ESR2: variants seen among roughly 807,000 people sequenced by gnomAD.
The protein encoded by ESR2 is estrogen receptor beta.
ESR2 carries 36 observed loss-of-function variants against 49.6 expected under a neutral mutation model. That is an observed-to-expected ratio of 0.73 (90% CI 0.56 to 0.96). The LOEUF (loss-of-function observed/expected upper bound fraction) is 0.96, where lower values mean the gene tolerates loss of function less well. ESR2 is among the 40% of genes least tolerant of loss of function. ESR2 has a pLI of 0.00. For missense variants in ESR2, 714 were observed against 693.0 expected, an observed-to-expected ratio of 1.03 and a Z score of -0.34; for synonymous variants, 320 against 266.1, an observed-to-expected ratio of 1.20 and a Z score of -1.97.
At chr14:64,247,327 G>C (rs929213188) in intron 7 of ESR2, among the ~76,000 whole-genome samples, 4 of 110,222 alleles carry the variant, frequency 3.6e-5, no homozygotes, top group African/African-American at 2.1e-4. Flanking sequence ...GTGAGGCTCT[G>C]TCTCAAAACA....
upstream of ESR2, among the ~76,000 whole-genome samples, chr14:64,296,438 C>T (rs1016490814): frequency 8.5e-5 from 13 of 152,182 alleles, no homozygotes; most frequent in African/African-American, 1.9e-4. Flanking sequence ...TTATTTTATA[C>T]GCAAGCCTAT....
rs765370070 is a variant in ESR2 at position 64,268,800 on chromosome 14, T to G, written c.647A>C (p.Lys216Thr). 1 of 1,605,678 alleles carries G rather than the reference T, an allele frequency of 6.2e-7. No homozygotes were observed. ...LRKCYEVGMV[K>T]CGSRRERCGY... ...GAAGGGAAGCAAGCACTCACCACAC[T>G]TCACCATTCCCACTTCGTAACACTT... The change falls in exon 4 of 9, where the codon AAG becomes ACG. Residue 216 changes from lysine (K) to threonine (T), a missense_variant. Lys to Thr is a moderately conservative substitution (Grantham distance 78, BLOSUM62 -1). Coordinates refer to ENST00000341099, the MANE Select transcript of ESR2 (RefSeq NM_001437.3).
chr14:64,287,151 G>T (rs1460333754), intron 1 of ESR2, among the ~76,000 whole-genome samples: 1 of 151,672 alleles, frequency 6.6e-6, no homozygotes, highest in African/African-American at 2.4e-5. Context: ...CCAATCTCTA[G>T]AACTCATTTC....
downstream of ESR2, chr14:64,227,519 A>G (rs934379004): frequency 1.2e-6 from 2 of 1,613,792 alleles, no homozygotes; most frequent in Non-Finnish European, 1.7e-6. Context: ...TAGGCCACCG[A>G]GTTGATTAGA....
chr14:64,337,147 T>G (rs1366626147), intron 1 of ESR2, among the ~76,000 whole-genome samples: 1 of 152,236 alleles, frequency 6.6e-6, no homozygotes, highest in African/African-American at 2.4e-5. Flanking sequence ...TGGCTTGTAC[T>G]GTTCACACTC....
chr14:64,270,423 C>T (rs376221450), intron 3 of ESR2, among the ~76,000 whole-genome samples: 4 of 152,120 alleles, frequency 2.6e-5, no homozygotes, highest in South Asian at 2.1e-4. Flanking sequence ...ATTGTTTGAG[C>T]GCTGGTTACA....
chr14:64,235,640 C>A (rs2075580529), intron 7 of ESR2, among the ~76,000 whole-genome samples: 1 of 152,200 alleles, frequency 6.6e-6, no homozygotes, highest in Non-Finnish European at 1.5e-5. Flanking sequence ...CATGGCAGGG[C>A]CCCTGCTACC....
At chr14:64,326,396 T>C (rs1011854251) in intron 1 of ESR2, among the ~76,000 whole-genome samples, 2 of 152,164 alleles carry the variant, frequency 1.3e-5, no homozygotes, top group Non-Finnish European at 2.9e-5. Context: ...TTGTGATTCA[T>C]GTGTGTACTT....
chr14:64,288,637 C>T (rs932118809), intron 1 of ESR2, among the ~76,000 whole-genome samples: 15 of 151,698 alleles, frequency 9.9e-5, no homozygotes, highest in Non-Finnish European at 1.5e-4. Context: ...CATGAGCCAC[C>T]GTGCCAGCCA....
At chr14:64,324,435 TAA>T (rs1413000048) in intron 1 of ESR2, among the ~76,000 whole-genome samples, 3 of 152,194 alleles carry the variant, frequency 2.0e-5, no homozygotes, top group Non-Finnish European at 4.4e-5. Context: ...CAAATAAAGT[TAA>T]AGTTATTAAT....
chr14:64,251,863 A>C (rs1275361651), intron 6 of ESR2, among the ~76,000 whole-genome samples: 2 of 152,370 alleles, frequency 1.3e-5, no homozygotes, highest in East Asian at 3.8e-4. Flanking sequence ...AGTATAAGAC[A>C]TCGTAAATGA....
chr14:64,258,759 T>C (rs1326664004), intron 5 of ESR2, among the ~76,000 whole-genome samples: 2 of 152,230 alleles, frequency 1.3e-5, no homozygotes, highest in African/African-American at 4.8e-5. Context: ...TGTATATACC[T>C]TCCCAGTCTC....
chr14:64,241,013 G>A (rs1320436849), intron 7 of ESR2, among the ~76,000 whole-genome samples: 2 of 151,878 alleles, frequency 1.3e-5, no homozygotes, highest in African/African-American at 4.8e-5. Flanking sequence ...GGGCGTGATG[G>A]TGGGCGCCTG....
chr14:64,275,339 T>C (rs570510590), intron 3 of ESR2, among the ~76,000 whole-genome samples: 1 of 152,364 alleles, frequency 6.6e-6, no homozygotes, highest in Non-Finnish European at 1.5e-5. Flanking sequence ...GTGACCTTTT[T>C]TGTCTCTTTT....
chr14:64,262,614 G>A (rs1206264643), intron 4 of ESR2, among the ~76,000 whole-genome samples: 1 of 152,038 alleles, frequency 6.6e-6, no homozygotes, highest in African/African-American at 2.4e-5. Flanking sequence ...GGCCAAACAT[G>A]GTGGCTCACA....
rs1245116325 is a variant in ESR2, at chr14:64,232,955, A to G, written c.*182T>C. The G allele has an allele frequency of 3.8e-6, 5 of 1,307,682 alleles. No individual in the cohort carries two copies. The highest frequency in any genetic ancestry group is 1.5e-5 in the African/African-American group (1 of 68,004). 81.0% of individuals were successfully genotyped at this position (1,307,682 alleles called of 1,614,324 possible). On this transcript the variant is annotated 3_prime_UTR_variant, in exon 9 of 9. Transcript: ENST00000341099. Reference sequence around the variant, plus strand: ...GTGCCCTCTGCTAACAAGGGAAACTATGGCTTCCTCACACCGACTCCTGAG... The same window carrying G: ...GTGCCCTCTGCTAACAAGGGAAACTGTGGCTTCCTCACACCGACTCCTGAG...
chr14:64,249,193 G>T (rs17101753), intron 7 of ESR2, among the ~76,000 whole-genome samples: 2,880 of 152,270 alleles, frequency 0.019, 89 homozygotes, highest in African/African-American at 0.065. Context: ...TGTAAAAAAG[G>T]AGGACCCCAG....
At chr14:64,284,764 A>C (rs1488329702) in intron 1 of ESR2, among the ~76,000 whole-genome samples, 1 of 152,002 alleles carries the variant, frequency 6.6e-6, no homozygotes, top group Non-Finnish European at 1.5e-5. Flanking sequence ...AACTTTACTC[A>C]TCAAGGCACA....
Position 64,280,043 on chromosome 14 carries a change from C to G in ESR2, c.473G>C (p.Gly158Ala). The G allele has an allele frequency of 1.9e-6, 3 of 1,614,162 alleles. No individual in the cohort carries two copies. Among genetic ancestry groups the G allele is most frequent in the Non-Finnish European group, 2.5e-6 (3 of 1,179,988 alleles). Residue 158 changes from glycine (G) to alanine (A), a missense_variant, in exon 3 of 9, where the codon GGA becomes GCA. Gly to Ala is a moderately conservative substitution (Grantham distance 60). Transcript: ENST00000341099. Reference sequence around the variant, plus strand: ...ACACGACCAGACTCCATAGTGATATCCCGATGCGTAATCGCTGCAGACAGC... The same window carrying G: ...ACACGACCAGACTCCATAGTGATATGCCGATGCGTAATCGCTGCAGACAGC... ...FCAVCSDYAS[G>A]YHYGVWSCEG...
Sources: allele counts gnomAD v4.1 joint callset (sites outside exome capture counted in the v4.1 genomes callset), GRCh38; gene constraint gnomAD v4.1.1; transcripts MANE v1.5; gene names NCBI Gene and HGNC (gene_info 2026-07-23, HGNC 2026-07-21).